The following SLC11A2 variants were observed in gnomAD, a reference collection of about 807,000 sequenced individuals.
SLC11A2 encodes natural resistance-associated macrophage protein 2.
A neutral mutation model predicts 68.0 loss-of-function variants in SLC11A2; 38 were observed. The observed-to-expected ratio is 0.56, with a 90% CI of 0.43 to 0.73. The LOEUF is 0.73. SLC11A2 is among the 30% of genes least tolerant of loss of function. The pLI is 0.00. For synonymous variants in SLC11A2, 242 were observed against 250.6 expected (o/e 0.97, Z 0.32); for missense variants, 517 against 690.5 (o/e 0.75, Z 2.82).
At chr12:51,014,998 T>TA (rs1943523018) in intron 1 of SLC11A2, among the ~76,000 whole-genome samples, 1 of 149,508 alleles carries the variant, frequency 6.7e-6, no homozygotes, top group Non-Finnish European at 1.5e-5. Flanking sequence ...CCATCTCTAC[T>TA]AAAAATACAA....
intron 10 of SLC11A2, 123 bp from the exon 11 acceptor site, chr12:50,994,753 T>C (rs1294768568): frequency 1.4e-6 from 1 of 714,736 alleles, no homozygotes; most frequent in Non-Finnish European, 2.6e-6. Flanking sequence ...ACTGGACATA[T>C]GCTGTGATGT....
intron 1 of SLC11A2, among the ~76,000 whole-genome samples, chr12:51,011,551 T>G (rs1438170072): frequency 1.4e-5 from 1 of 71,922 alleles, no homozygotes; most frequent in African/African-American, 4.6e-5. Flanking sequence ...TTTTATGAGT[T>G]GTTTTTTTTT....
Position 50,997,679 on chromosome 12 carries a change from C to CAAAAA in SLC11A2, c.676-712_676-708dup, listed in dbSNP as rs35477132. Among the ~76,000 whole-genome samples, 9 of 44,978 alleles carry CAAAAA rather than the reference C, an allele frequency of 2.0e-4. 3 individuals carry two copies. Among genetic ancestry groups the CAAAAA allele is most frequent in the Non-Finnish European group, 2.4e-4 (7 of 29,366 alleles). 29.5% of individuals were successfully genotyped at this position (44,978 alleles called of 152,430 possible). A position where few individuals can be genotyped will look rare whatever the true frequency, so the allele number is the denominator to read the frequency against. On this transcript the variant is annotated intron_variant, in intron 8 of 15. Transcript: ENST00000262052. ...TAGGCAATAGTGTGAGACTCTGTCT[C>CAAAAA]AAAAAAAAAAAAAAAAAAAAAAAAA...
At chr12:50,997,049 C>G in intron 8 of SLC11A2, 77 bp from the exon 9 acceptor site, 1 of 1,124,670 alleles carries the variant, frequency 8.9e-7, no homozygotes. Context: ...GAACAGTTAG[C>G]ATCCTTTATC....
Position 50,994,642 on chromosome 12 carries a change from A to T in SLC11A2, c.991-12T>A. 1 of 1,578,440 alleles carries T rather than the reference A, an allele frequency of 6.3e-7. No individual in the cohort carries two copies. The highest frequency in any genetic ancestry group is 1.1e-5 in the South Asian group (1 of 90,398). ...GTACAGACTTCAACCTAGAACCCAAAGCAATTCAACAGCAACTTTTGTTTC... is the reference window on the plus strand; with the variant it reads ...GTACAGACTTCAACCTAGAACCCAATGCAATTCAACAGCAACTTTTGTTTC... On this transcript the variant is annotated splice_polypyrimidine_tract_variant and intron_variant, in intron 10 of 15. Transcript: ENST00000262052.
downstream of SLC11A2, among the ~76,000 whole-genome samples, chr12:50,983,187 T>C (rs1940218503): frequency 6.6e-6 from 1 of 152,178 alleles, no homozygotes; most frequent in African/African-American, 2.4e-5. Flanking sequence ...CACACTCAGC[T>C]AATTTTTTTG....
At chr12:51,009,680 C>T (rs1157491121) in intron 2 of SLC11A2, among the ~76,000 whole-genome samples, 3 of 152,178 alleles carry the variant, frequency 2.0e-5, no homozygotes, top group Admixed American at 6.5e-5. Context: ...AAATACAGAG[C>T]GTAAGGTACT....
At chr12:50,979,171 A>G (rs1939896501), downstream of SLC11A2, among the ~76,000 whole-genome samples, 1 of 152,174 alleles carries the variant, frequency 6.6e-6, no homozygotes, top group Admixed American at 6.5e-5. Context: ...GAGTGATTAA[A>G]TATTCTTAAC....
chr12:51,012,628 T>C (rs1228516698), intron 1 of SLC11A2, among the ~76,000 whole-genome samples: 1 of 152,262 alleles, frequency 6.6e-6, no homozygotes, highest in Non-Finnish European at 1.5e-5. Context: ...TCTGTACTTA[T>C]AGAATTACAG....
chr12:50,970,955 C>T, the SLC11A2 span, among the ~76,000 whole-genome samples: 750 of 152,062 alleles, frequency 4.9e-3, 7 homozygotes, highest in African/African-American at 0.017. Flanking sequence ...CTCCGCTCAC[C>T]GCAACCTCTG....
chr12:51,018,526 G>C (rs1047926614), intron 1 of SLC11A2, among the ~76,000 whole-genome samples: 4 of 151,310 alleles, frequency 2.6e-5, no homozygotes, highest in Non-Finnish European at 5.9e-5. Flanking sequence ...CGAGTGCGGT[G>C]GCTCAAGCCT....
downstream of SLC11A2, among the ~76,000 whole-genome samples, chr12:50,981,997 G>A (rs1241215444): frequency 6.6e-6 from 1 of 152,152 alleles, no homozygotes; most frequent in Non-Finnish European, 1.5e-5. Flanking sequence ...ACAGGTAGGA[G>A]CTGAAATAGT....
chr12:50,953,205 C>T, the SLC11A2 span, among the ~76,000 whole-genome samples: 1 of 152,174 alleles, frequency 6.6e-6, no homozygotes, highest in South Asian at 2.1e-4. Flanking sequence ...TGATCTACAG[C>T]CTCTTGCTGA....
chr12:51,027,484 G>A (rs1944439510), upstream of SLC11A2, among the ~76,000 whole-genome samples: 1 of 151,266 alleles, frequency 6.6e-6, no homozygotes, highest in African/African-American at 2.4e-5. Flanking sequence ...CGCCTTAGGT[G>A]TCCTCCCAAG....
At chr12:50,969,204 G>T in the SLC11A2 span, among the ~76,000 whole-genome samples, 1 of 152,030 alleles carries the variant, frequency 6.6e-6, no homozygotes, top group Non-Finnish European at 1.5e-5. Flanking sequence ...TGAGACAGGA[G>T]AATTGCTTGA....
chr12:51,025,859 G>C (rs1054453973), intron 1 of SLC11A2: 3 of 987,974 alleles, frequency 3.0e-6, no homozygotes, highest in Non-Finnish European at 3.6e-6. Context: ...TTGTTGAAGC[G>C]GGGCGGCGGG....
chr12:50,972,153 G>C, the SLC11A2 span, among the ~76,000 whole-genome samples: 2 of 152,156 alleles, frequency 1.3e-5, no homozygotes, highest in Non-Finnish European at 2.9e-5. Context: ...CTTTCATGTT[G>C]GTTGTGCAAT....
the SLC11A2 span, among the ~76,000 whole-genome samples, chr12:50,965,929 G>T: frequency 1.3e-5 from 2 of 152,194 alleles, no homozygotes; most frequent in Admixed American, 6.5e-5. Context: ...AATTGGTCAA[G>T]GAGCCCTGGC....
chr12:51,026,928 G>C (rs1944418441), upstream of SLC11A2, among the ~76,000 whole-genome samples: 1 of 152,194 alleles, frequency 6.6e-6, no homozygotes, highest in Non-Finnish European at 1.5e-5. Context: ...TGTACTCCCA[G>C]CACTTTGGAG....
Sources: gnomAD v4.1 joint callset for allele counts (sites outside exome capture counted in the v4.1 genomes callset) on GRCh38, gnomAD v4.1.1 for gene constraint, MANE v1.5 for transcripts, NCBI Gene and HGNC (gene_info 2026-07-23, HGNC 2026-07-21) for gene names.